Variants in SH3GL2 observed in about 807,000 individuals in gnomAD.
SH3GL2 encodes endophilin-A1.
A neutral mutation model predicts 46.0 loss-of-function variants in SH3GL2; 24 were observed. The ratio of observed to expected loss-of-function variants is 0.52; its 90% CI spans 0.38 to 0.73. The LOEUF is 0.73. Ranked by LOEUF, SH3GL2 falls within the 30% of genes least tolerant of loss-of-function variation. SH3GL2 has a pLI of 0.00. For missense variants in SH3GL2, 413 were observed against 424.2 expected, an observed-to-expected ratio of 0.97 and a Z score of 0.23; for synonymous variants, 196 against 147.1, an observed-to-expected ratio of 1.33 and a Z score of -2.40.
At chr9:17,621,718 G>A (rs911471463) in intron 1 of SH3GL2, among the ~76,000 whole-genome samples, 1 of 152,184 alleles carries the variant, frequency 6.6e-6, no homozygotes, top group Non-Finnish European at 1.5e-5. Flanking sequence ...GTGTTCTTCA[G>A]TGTGCACATT....
intron 2 of SH3GL2, among the ~76,000 whole-genome samples, chr9:17,750,227 A>G (rs552743283): frequency 1.3e-5 from 2 of 152,090 alleles, no homozygotes; most frequent in Non-Finnish European, 2.9e-5. Context: ...GTTCCCAAGC[A>G]GACAGAAGAA....
At chr9:17,585,749 A>G (rs1383858790) in intron 1 of SH3GL2, among the ~76,000 whole-genome samples, 3 of 152,222 alleles carry the variant, frequency 2.0e-5, no homozygotes, top group African/African-American at 7.2e-5. Context: ...AGAAGAAGAC[A>G]GAGAGGTGAA....
intron 1 of SH3GL2, among the ~76,000 whole-genome samples, chr9:17,582,635 A>G (rs950828906): frequency 6.6e-6 from 1 of 152,226 alleles, no homozygotes; most frequent in Admixed American, 6.5e-5. Flanking sequence ...ATATTAGGTC[A>G]TTTTATGAGT....
chr9:17,745,058 C>T (rs1309369381), intron 1 of SH3GL2, among the ~76,000 whole-genome samples: 3 of 152,152 alleles, frequency 2.0e-5, no homozygotes, highest in Non-Finnish European at 4.4e-5. Context: ...GCTTCTAATT[C>T]TTCCTAGCTA....
intron 1 of SH3GL2, among the ~76,000 whole-genome samples, chr9:17,645,855 G>T (rs1309792385): frequency 6.6e-6 from 1 of 152,010 alleles, no homozygotes; most frequent in Non-Finnish European, 1.5e-5. Flanking sequence ...GTGTCTTGGG[G>T]TTGCTCTTCT....
chr9:17,790,991 T>C (rs986151196), intron 6 of SH3GL2, among the ~76,000 whole-genome samples: 44 of 152,312 alleles, frequency 2.9e-4, no homozygotes, highest in African/African-American at 8.7e-4. Flanking sequence ...GGGTTACCCA[T>C]GTTGCTTCTC....
chr9:17,699,153 CAAAAAA>C (rs3084657), intron 1 of SH3GL2, among the ~76,000 whole-genome samples: 53 of 86,500 alleles, frequency 6.1e-4, no homozygotes, highest in African/African-American at 1.9e-3. Flanking sequence ...GACTCTGTCT[CAAAAAA>C]AAAAAAAAAA....
chr9:17,730,234 G>A (rs527809457), intron 1 of SH3GL2, among the ~76,000 whole-genome samples: 1 of 152,214 alleles, frequency 6.6e-6, no homozygotes, highest in South Asian at 2.1e-4. Flanking sequence ...TTGTGAATGG[G>A]AGTTTACTCA....
chr9:17,639,972 G>A (rs1222929396), intron 1 of SH3GL2, among the ~76,000 whole-genome samples: 2 of 152,176 alleles, frequency 1.3e-5, no homozygotes, highest in Admixed American at 1.3e-4. Flanking sequence ...TGGGCTGGTA[G>A]TTGAGAGATG....
At chr9:17,585,020 G>A (rs999102728) in intron 1 of SH3GL2, among the ~76,000 whole-genome samples, 27 of 152,254 alleles carry the variant, frequency 1.8e-4, no homozygotes, top group African/African-American at 6.0e-4. Context: ...ACTTGGTTGG[G>A]GCAAATGGTG....
intron 1 of SH3GL2, among the ~76,000 whole-genome samples, chr9:17,676,258 C>T (rs10810822): frequency 0.54 from 82,253 of 151,976 alleles, 23,567 homozygotes; most frequent in African/African-American, 0.72. Context: ...AACTTTTCTA[C>T]AAAAATATTT....
At chr9:17,719,784 C>A (rs867158894) in intron 1 of SH3GL2, among the ~76,000 whole-genome samples, 11 of 148,490 alleles carry the variant, frequency 7.4e-5, no homozygotes, top group African/African-American at 2.5e-4. Context: ...CGAAGTGAGA[C>A]CCTGTCTTGA....
intron 3 of SH3GL2, among the ~76,000 whole-genome samples, chr9:17,769,967 C>G (rs897484557): frequency 6.6e-6 from 1 of 152,132 alleles, no homozygotes; most frequent in Non-Finnish European, 1.5e-5. Flanking sequence ...GTTCCTAGCA[C>G]AGAGTTTGGT....
At chr9:17,700,248 G>C (rs964334342) in intron 1 of SH3GL2, among the ~76,000 whole-genome samples, 2 of 152,162 alleles carry the variant, frequency 1.3e-5, no homozygotes, top group African/African-American at 2.4e-5. Context: ...CAGAGGATGA[G>C]CTATTTTATT....
intron 1 of SH3GL2, among the ~76,000 whole-genome samples, chr9:17,638,030 G>T (rs1001100717): frequency 1.3e-5 from 2 of 151,938 alleles, no homozygotes; most frequent in African/African-American, 2.4e-5. Flanking sequence ...GGTGGCAGGC[G>T]CCTGTAGTCC....
intron 3 of SH3GL2, among the ~76,000 whole-genome samples, chr9:17,775,082 G>A (rs977578060): frequency 2.7e-5 from 4 of 148,434 alleles, no homozygotes; most frequent in South Asian, 2.1e-4. Context: ...GTTGTTCATA[G>A]TACTCTTAAT....
intron 1 of SH3GL2, among the ~76,000 whole-genome samples, chr9:17,604,965 C>G (rs1200146159): frequency 7.1e-6 from 1 of 141,450 alleles, no homozygotes; most frequent in African/African-American, 2.6e-5. Context: ...TATTAGTGTT[C>G]TTTCACAAGT....
At chr9:17,795,332 C>T (rs1231042953) in intron 8 of SH3GL2, among the ~76,000 whole-genome samples, 1 of 152,144 alleles carries the variant, frequency 6.6e-6, no homozygotes, top group Non-Finnish European at 1.5e-5. Flanking sequence ...TTCCAAAGGT[C>T]CGAGAAAGCT....
At chr9:17,688,209 A>G (rs1425833972) in intron 1 of SH3GL2, among the ~76,000 whole-genome samples, 1 of 152,064 alleles carries the variant, frequency 6.6e-6, no homozygotes, top group Admixed American at 6.6e-5. Context: ...ATTGAGTTCA[A>G]TTTTATGGGA....
Sources: gnomAD v4.1 joint callset for allele counts (sites outside exome capture counted in the v4.1 genomes callset) on GRCh38, gnomAD v4.1.1 for gene constraint, MANE v1.5 for transcripts, NCBI Gene and HGNC (gene_info 2026-07-23, HGNC 2026-07-21) for gene names.